RELN: variants seen among roughly 807,000 people sequenced by gnomAD.
RELN encodes the protein reelin.
A neutral mutation model predicts 427.6 loss-of-function variants in RELN; 108 were observed. The ratio of observed to expected loss-of-function variants is 0.25; its 90% CI spans 0.22 to 0.30. The LOEUF (loss-of-function observed/expected upper bound fraction) is 0.30, where lower values mean the gene tolerates loss of function less well. Ranked by LOEUF, RELN falls within the 10% of genes least tolerant of loss-of-function variation. The pLI, the probability that RELN is intolerant of heterozygous loss-of-function variation, is 1.00. For missense variants in RELN, 3,715 were observed against 4,302.8 expected, an observed-to-expected ratio of 0.86 and a Z score of 3.82; for synonymous variants, 1,524 against 1,513.4, an observed-to-expected ratio of 1.01 and a Z score of -0.16.
At chr7:103,629,026 G>A (rs1004313438) in intron 20 of RELN, among the ~76,000 whole-genome samples, 1 of 152,140 alleles carries the variant, frequency 6.6e-6, no homozygotes, top group Non-Finnish European at 1.5e-5. Flanking sequence ...CTCTCGCCTG[G>A]GGGAACTGTG....
At chr7:103,601,462 A>T (rs907487287) in intron 24 of RELN, among the ~76,000 whole-genome samples, 9 of 152,180 alleles carry the variant, frequency 5.9e-5, no homozygotes, top group Non-Finnish European at 1.2e-4. Context: ...GCATAAATTA[A>T]CACATCTTGG....
intron 57 of RELN, among the ~76,000 whole-genome samples, chr7:103,492,547 T>C (rs1200316689): frequency 6.6e-6 from 1 of 152,210 alleles, no homozygotes; most frequent in Non-Finnish European, 1.5e-5. Flanking sequence ...ATAAATGCTA[T>C]AAAAATTTGG....
At chr7:103,791,444 T>C (rs1792159400) in intron 3 of RELN, among the ~76,000 whole-genome samples, 2 of 152,322 alleles carry the variant, frequency 1.3e-5, no homozygotes, top group East Asian at 1.9e-4. Flanking sequence ...AGTATACTTT[T>C]ACATTTATGG....
At chr7:103,850,508 T>C (rs1214679738) in intron 2 of RELN, among the ~76,000 whole-genome samples, 1 of 151,164 alleles carries the variant, frequency 6.6e-6, no homozygotes, top group Admixed American at 6.6e-5. Context: ...ATCGAGAGGG[T>C]AGCCAGAGGA....
chr7:103,788,801 A>G (rs1419133989), intron 3 of RELN, among the ~76,000 whole-genome samples: 2 of 152,206 alleles, frequency 1.3e-5, no homozygotes, highest in East Asian at 3.8e-4. Flanking sequence ...TCAAGTTACT[A>G]TTGACTTCCT....
intron 3 of RELN, among the ~76,000 whole-genome samples, chr7:103,778,205 C>T (rs1791794791): frequency 6.6e-6 from 1 of 152,152 alleles, no homozygotes; most frequent in African/African-American, 2.4e-5. Flanking sequence ...CTAATCAGTA[C>T]AGATTTTATG....
rs989318180 is a variant in RELN at position 103,498,386 on chromosome 7, A to T, written c.8668-134T>A. The stretch of plus-strand genomic sequence containing the variant: ...TTCAAATGCTTTTCAAAGATGTTTA[A>T]AAAAGGCTATTTCCACAATCTTTTT... On this transcript the variant is annotated intron_variant, in intron 53 of 64. Transcript: ENST00000428762. 7 of 795,274 alleles carry T rather than the reference A, an allele frequency of 8.8e-6. No homozygotes were observed. In the East Asian group the frequency reaches 1.6e-4, roughly 18 times the overall value. The allele number at this position is 795,274 out of a possible 1,614,324, so 49.3% of individuals were successfully genotyped here.
chr7:103,826,394 CAG>C (rs1412122018), intron 3 of RELN, among the ~76,000 whole-genome samples: 1 of 147,618 alleles, frequency 6.8e-6, no homozygotes, highest in African/African-American at 2.5e-5. Context: ...AAATAGGTCA[CAG>C]AGGGCAAAAT....
chr7:103,683,380 T>C (rs1198410625), intron 10 of RELN, among the ~76,000 whole-genome samples: 3 of 152,178 alleles, frequency 2.0e-5, no homozygotes, highest in Admixed American at 6.5e-5. Context: ...TTTAAGGTAA[T>C]TATATTTTTA....
intron 2 of RELN, among the ~76,000 whole-genome samples, chr7:103,892,368 T>C (rs4006767): frequency 0.4 from 60,729 of 151,604 alleles, 13,024 homozygotes; most frequent in East Asian, 0.78. Flanking sequence ...TACACACACA[T>C]GTGACAGCAC....
At chr7:103,901,092 A>G (rs914586544) in intron 2 of RELN, among the ~76,000 whole-genome samples, 2 of 152,042 alleles carry the variant, frequency 1.3e-5, no homozygotes, top group African/African-American at 4.8e-5. Context: ...AAAATTGGAA[A>G]AAGACTTGAA....
At chr7:103,748,664 G>A (rs1227732890) in intron 6 of RELN, among the ~76,000 whole-genome samples, 1 of 152,152 alleles carries the variant, frequency 6.6e-6, no homozygotes, top group Non-Finnish European at 1.5e-5. Context: ...ATCATATGCT[G>A]ACATTCAAGG....
chr7:103,510,944 A>G lies in RELN; in HGVS notation c.8181T>C (p.Asp2727=). The change falls in exon 51 of 65, where the codon GAT becomes GAC. Residue 2727 remains aspartate (D), a synonymous_variant. Transcript: ENST00000428762. ...CATGACTGCCACAGAGCATCACACC[A>G]TCAGGGGAGTCACAGAATCTTTCTA... The part of the protein sequence containing the change: ...CTVERFCDSP[D]GVMLCGSHDG... 6.2e-7 allele frequency: 1 copy of G among 1,612,644 alleles called. No homozygotes were observed. Among genetic ancestry groups the G allele is most frequent in the Non-Finnish European group, 8.5e-7 (1 of 1,178,644 alleles).
At chr7:103,807,363 T>C (rs1369794231) in intron 3 of RELN, among the ~76,000 whole-genome samples, 1 of 152,176 alleles carries the variant, frequency 6.6e-6, no homozygotes, top group Non-Finnish European at 1.5e-5. Context: ...CAGAAATTAG[T>C]GGCACTGGAT....
intron 20 of RELN, among the ~76,000 whole-genome samples, chr7:103,619,610 G>T (rs1021027207): frequency 1.3e-5 from 2 of 152,122 alleles, no homozygotes; most frequent in East Asian, 3.9e-4. Flanking sequence ...TTTTGCCCAC[G>T]TCACCGCATT....
At chr7:103,732,786 G>A (rs1348879353) in intron 6 of RELN, among the ~76,000 whole-genome samples, 1 of 152,030 alleles carries the variant, frequency 6.6e-6, no homozygotes, top group Non-Finnish European at 1.5e-5. Flanking sequence ...AATTTAACTT[G>A]GTTGAGTGCA....
intron 2 of RELN, among the ~76,000 whole-genome samples, chr7:103,849,696 C>A (rs1327503266): frequency 3.9e-5 from 6 of 152,120 alleles, no homozygotes; most frequent in Admixed American, 3.9e-4. Context: ...GAACTATGGA[C>A]CACATGTCAA....
chr7:103,549,548 G>A (rs560812002), intron 41 of RELN, among the ~76,000 whole-genome samples: 7 of 152,296 alleles, frequency 4.6e-5, no homozygotes, highest in African/African-American at 1.7e-4. Context: ...CATAGGCATG[G>A]TTTTTCGACA....
intron 36 of RELN, among the ~76,000 whole-genome samples, chr7:103,559,732 G>C (rs1232182496): frequency 6.6e-6 from 1 of 152,212 alleles, no homozygotes; most frequent in Non-Finnish European, 1.5e-5. Context: ...GCACCACTGT[G>C]CCTGGCTAAG....
Sources: gnomAD v4.1 joint callset for allele counts (sites outside exome capture counted in the v4.1 genomes callset) on GRCh38, gnomAD v4.1.1 for gene constraint, MANE v1.5 for transcripts, NCBI Gene and HGNC (gene_info 2026-07-23, HGNC 2026-07-21) for gene names.